The following TBCK variants were observed in gnomAD, a reference collection of about 807,000 sequenced individuals.
TBCK encodes the protein TBC domain-containing protein kinase-like protein.
A neutral mutation model predicts 113.4 loss-of-function variants in TBCK; 99 were observed. That is an observed-to-expected ratio of 0.87 (90% CI 0.74 to 1.03). The LOEUF (loss-of-function observed/expected upper bound fraction) is 1.03, where lower values mean the gene tolerates loss of function less well. Ranked by LOEUF, TBCK falls within the 50% of genes least tolerant of loss-of-function variation. The pLI, the probability that TBCK is intolerant of heterozygous loss-of-function variation, is 0.00. For missense variants in TBCK, 1,045 were observed against 1,061.3 expected, an observed-to-expected ratio of 0.98 and a Z score of 0.21; for synonymous variants, 369 against 370.8, an observed-to-expected ratio of 1.00 and a Z score of 0.05.
chr4:106,262,276 T>C, intron 3 of TBCK, 64 bp from the exon 4 acceptor site: 3 of 882,582 alleles, frequency 3.4e-6, no homozygotes, highest in Non-Finnish European at 5.3e-6. Flanking sequence ...TTTTAACAAG[T>C]GAAATGTGAC....
intron 5 of TBCK, among the ~76,000 whole-genome samples, chr4:106,252,934 C>T (rs980626729): frequency 6.6e-6 from 1 of 151,978 alleles, no homozygotes; most frequent in African/African-American, 2.4e-5. Context: ...TTTTGAAAAC[C>T]GGTTTAGCAA....
intron 20 of TBCK, among the ~76,000 whole-genome samples, chr4:106,205,681 G>A (rs773367232): frequency 6.3e-4 from 94 of 148,780 alleles, no homozygotes; most frequent in Non-Finnish European, 1.1e-3. Flanking sequence ...CAGGAGAATC[G>A]CTTGAACCCG....
chr4:106,294,959 C>T (rs982741150), intron 3 of TBCK, 135 bp downstream of exon 3: 2 of 580,794 alleles, frequency 3.4e-6, no homozygotes, highest in African/African-American at 3.7e-5. Context: ...ATTAAATTTT[C>T]TCAAGTGAAA....
intron 5 of TBCK, among the ~76,000 whole-genome samples, chr4:106,258,982 A>G (rs1296255217): frequency 6.6e-6 from 1 of 151,978 alleles, no homozygotes; most frequent in Non-Finnish European, 1.5e-5. Flanking sequence ...CAAAACTGTA[A>G]GACTACGAAT....
chr4:106,136,344 T>C (rs1746553263), intron 23 of TBCK, among the ~76,000 whole-genome samples: 1 of 141,364 alleles, frequency 7.1e-6, no homozygotes, highest in South Asian at 2.4e-4. Flanking sequence ...CATTGTCTCC[T>C]GAACTCACTG....
chr4:106,274,591 A>G (rs1213759873), intron 3 of TBCK, among the ~76,000 whole-genome samples: 6 of 152,238 alleles, frequency 3.9e-5, no homozygotes. Flanking sequence ...CATATACTGT[A>G]TAATTCCATT....
At chr4:106,234,454 AT>A (rs1310879141) in intron 15 of TBCK, among the ~76,000 whole-genome samples, 3 of 151,968 alleles carry the variant, frequency 2.0e-5, no homozygotes, top group South Asian at 2.1e-4. Flanking sequence ...ATTTCTAAAA[AT>A]TTTTTAGAGT....
At chr4:106,080,590 A>G (rs1364189653) in intron 25 of TBCK, among the ~76,000 whole-genome samples, 1 of 152,194 alleles carries the variant, frequency 6.6e-6, no homozygotes, top group Admixed American at 6.5e-5. Flanking sequence ...CCTTGGCAAT[A>G]CCATTCTGGG....
intron 25 of TBCK, among the ~76,000 whole-genome samples, chr4:106,056,828 A>C (rs1455736348): frequency 6.6e-6 from 1 of 151,774 alleles, no homozygotes; most frequent in Non-Finnish European, 1.5e-5. Context: ...ACCATAGTAA[A>C]GACAATGTGT....
At chr4:106,212,867 T>G in intron 19 of TBCK, 32 bp from the exon 20 acceptor site, 1 of 1,322,678 alleles carries the variant, frequency 7.6e-7, no homozygotes, top group Non-Finnish European at 1.1e-6. Context: ...CAATCATCAT[T>G]TTTACACAGT....
intron 22 of TBCK, among the ~76,000 whole-genome samples, chr4:106,172,897 A>G (rs373399166): frequency 8.5e-5 from 13 of 152,128 alleles, no homozygotes; most frequent in African/African-American, 2.9e-4. Flanking sequence ...AAACTAAGAC[A>G]CAAGGAAGTT....
intron 11 of TBCK, among the ~76,000 whole-genome samples, chr4:106,244,140 TAC>T (rs745622072): frequency 6.6e-6 from 1 of 152,216 alleles, no homozygotes; most frequent in Non-Finnish European, 1.5e-5. Context: ...TATCTTCTTA[TAC>T]AGTTAGGCAG....
chr4:106,142,035 A>T (rs1036700823), intron 23 of TBCK, among the ~76,000 whole-genome samples: 2 of 141,572 alleles, frequency 1.4e-5, no homozygotes, highest in African/African-American at 5.0e-5. Flanking sequence ...ATAAAACCAT[A>T]TTTAGAATCA....
At chr4:106,156,928 T>C (rs970898068) in intron 23 of TBCK, among the ~76,000 whole-genome samples, 1 of 152,160 alleles carries the variant, frequency 6.6e-6, no homozygotes, top group African/African-American at 2.4e-5. Context: ...TTCTCAATCA[T>C]AGTCTCTCCC....
intron 22 of TBCK, among the ~76,000 whole-genome samples, chr4:106,177,348 CT>C (rs1282184853): frequency 6.6e-6 from 1 of 151,858 alleles, no homozygotes; most frequent in Non-Finnish European, 1.5e-5. Flanking sequence ...TGATGTAATT[CT>C]ATTTGTCTAC....
intron 23 of TBCK, among the ~76,000 whole-genome samples, chr4:106,157,060 G>A (rs1389783957): frequency 6.6e-6 from 1 of 152,136 alleles, no homozygotes; most frequent in Non-Finnish European, 1.5e-5. Flanking sequence ...TTCAGTAGTT[G>A]ATGGGTCCTG....
intron 24 of TBCK, among the ~76,000 whole-genome samples, chr4:106,102,207 G>T (rs1741638529): frequency 6.6e-6 from 1 of 152,148 alleles, no homozygotes; most frequent in African/African-American, 2.4e-5. Flanking sequence ...TGTTAAGTGG[G>T]TAAAGTTTGT....
intron 25 of TBCK, among the ~76,000 whole-genome samples, chr4:106,067,422 T>C (rs996336932): frequency 6.6e-6 from 1 of 152,140 alleles, no homozygotes; most frequent in African/African-American, 2.4e-5. Flanking sequence ...TTATCAGGCA[T>C]ATGATTTACA....
intron 23 of TBCK, among the ~76,000 whole-genome samples, chr4:106,163,004 T>C (rs1265405035): frequency 1.3e-5 from 2 of 152,076 alleles, no homozygotes; most frequent in African/African-American, 2.4e-5. Flanking sequence ...GGCTGCAAAT[T>C]TTCCAAACTT....
Sources: allele counts gnomAD v4.1 joint callset (sites outside exome capture counted in the v4.1 genomes callset), GRCh38; gene constraint gnomAD v4.1.1; transcripts MANE v1.5; gene names NCBI Gene and HGNC (gene_info 2026-07-23, HGNC 2026-07-21).